Variants in DHRSX observed in about 807,000 individuals in gnomAD.
DHRSX encodes dehydrogenase/reductase X-linked, also known as polyprenol dehydrogenase.
A neutral mutation model predicts 34.0 loss-of-function variants in DHRSX; 31 were observed. That is an observed-to-expected ratio of 0.91 (90% CI 0.69 to 1.23). The LOEUF (loss-of-function observed/expected upper bound fraction) is 1.23. Ranked by LOEUF, DHRSX falls within the 50% of genes most tolerant of loss-of-function variation. DHRSX has a pLI of 0.00. For missense variants in DHRSX, 414 were observed against 428.1 expected (o/e 0.97, Z 0.29); for synonymous variants, 201 against 183.8 (o/e 1.09, Z -0.76).
intron 1 of DHRSX, among the ~76,000 whole-genome samples, chrX:2,427,756 C>T (rs1368522806): frequency 6.6e-6 from 1 of 151,978 alleles, no homozygotes; most frequent in Non-Finnish European, 1.5e-5. Context: ...CAGGAAAGTC[C>T]CTTTCTGTGA....
chrX:2,225,422 A>G (rs2015634931), intron 6 of DHRSX, among the ~76,000 whole-genome samples: 1 of 152,050 alleles, frequency 6.6e-6, no homozygotes, highest in African/African-American at 2.4e-5. Context: ...TCACATACTC[A>G]TTCACATGCA....
At chrX:2,440,358 G>A (rs1312986938) in intron 1 of DHRSX, among the ~76,000 whole-genome samples, 1 of 151,590 alleles carries the variant, frequency 6.6e-6, no homozygotes, top group Non-Finnish European at 1.5e-5. Flanking sequence ...GCACCAGCAT[G>A]GCCAGATAAT....
At chrX:2,450,833 A>C (rs2044206660) in intron 1 of DHRSX, among the ~76,000 whole-genome samples, 1 of 152,000 alleles carries the variant, frequency 6.6e-6, no homozygotes, top group Non-Finnish European at 1.5e-5. Flanking sequence ...CTGCATTGAA[A>C]TCCTCACCCC....
intron 3 of DHRSX, among the ~76,000 whole-genome samples, chrX:2,372,124 T>C (rs1488517838): frequency 6.6e-6 from 1 of 152,178 alleles, no homozygotes; most frequent in Non-Finnish European, 1.5e-5. Flanking sequence ...TCTTCTTTCT[T>C]TGCTACAAAC....
chrX:2,252,063 C>A (rs1248886952), intron 5 of DHRSX, among the ~76,000 whole-genome samples: 1 of 151,960 alleles, frequency 6.6e-6, no homozygotes, highest in East Asian at 1.9e-4. Flanking sequence ...CATGGTGAAA[C>A]CCCGTCTCTA....
At chrX:2,324,947 T>G (rs1331106765) in intron 3 of DHRSX, among the ~76,000 whole-genome samples, 2 of 10,144 alleles carry the variant, frequency 2.0e-4, no homozygotes, top group Non-Finnish European at 5.7e-4. Context: ...TTTTGTTTTG[T>G]TTTTTTTTTT....
At chrX:2,366,315 G>A (rs1389368759) in intron 3 of DHRSX, among the ~76,000 whole-genome samples, 1 of 151,786 alleles carries the variant, frequency 6.6e-6, no homozygotes, top group African/African-American at 2.4e-5. Context: ...GTTGGGCATG[G>A]CTGTAATCCC....
intron 5 of DHRSX, chrX:2,261,678 A>G (rs34002294): frequency 0.26 from 39,849 of 151,508 alleles, 7,010 homozygotes; most frequent in African/African-American, 0.48. Context: ...AGTCGAGGCA[A>G]GAGAATTGCT....
intron 1 of DHRSX, among the ~76,000 whole-genome samples, chrX:2,469,972 T>G (rs1318599953): frequency 6.6e-6 from 1 of 152,008 alleles, no homozygotes; most frequent in Non-Finnish European, 1.5e-5. Context: ...GCAGCACTAC[T>G]CAGGTTCCAA....
intron 4 of DHRSX, among the ~76,000 whole-genome samples, chrX:2,282,624 G>GA (rs1412519439): frequency 2.8e-5 from 4 of 140,944 alleles, no homozygotes; most frequent in Non-Finnish European, 6.2e-5. Flanking sequence ...AGGGGAGGGA[G>GA]AGAAGAAGGG....
At chrX:2,346,257 AGTT>A (rs2042710028) in intron 3 of DHRSX, among the ~76,000 whole-genome samples, 1 of 142,804 alleles carries the variant, frequency 7.0e-6, no homozygotes. Context: ...GACATGCCCG[AGTT>A]GTTATGTACC....
intron 3 of DHRSX, among the ~76,000 whole-genome samples, chrX:2,315,076 T>C (rs953824087): frequency 3.3e-5 from 5 of 152,008 alleles, no homozygotes; most frequent in African/African-American, 1.2e-4. Flanking sequence ...GAGAATTGCC[T>C]GAACCCGGGA....
chrX:2,303,057 G>T (rs1232714792), intron 3 of DHRSX, among the ~76,000 whole-genome samples: 1 of 152,112 alleles, frequency 6.6e-6, no homozygotes, highest in Non-Finnish European at 1.5e-5. Context: ...CCATACTACT[G>T]CTAATAATTG....
chrX:2,249,922 G>C (rs1398919966), intron 5 of DHRSX, among the ~76,000 whole-genome samples: 1 of 151,828 alleles, frequency 6.6e-6, no homozygotes, highest in Non-Finnish European at 1.5e-5. Flanking sequence ...CCAGGACTTT[G>C]GGAGGCCAAG....
intron 1 of DHRSX, among the ~76,000 whole-genome samples, chrX:2,438,306 T>TACACACAC (rs113154779): frequency 0.32 from 47,466 of 149,416 alleles, 9,193 homozygotes; most frequent in East Asian, 0.79. Context: ...ACAGAATGCA[T>TACACACAC]ACACACACAC....
intron 2 of DHRSX, among the ~76,000 whole-genome samples, chrX:2,413,350 C>CT (rs74314537): frequency 0.82 from 124,450 of 152,052 alleles, 51,780 homozygotes; most frequent in East Asian, 0.99. Flanking sequence ...AAATTAGTGA[C>CT]TATAATCTTG....
intron 3 of DHRSX, among the ~76,000 whole-genome samples, chrX:2,398,441 G>C (rs2043441025): frequency 6.6e-6 from 1 of 152,110 alleles, no homozygotes; most frequent in Non-Finnish European, 1.5e-5. Context: ...GGCTCAGGTA[G>C]GAGGATCGCC....
intron 4 of DHRSX, among the ~76,000 whole-genome samples, chrX:2,282,945 GGAGA>G (rs1210165803): frequency 3.3e-5 from 5 of 151,362 alleles, no homozygotes; most frequent in East Asian, 2.0e-4. Flanking sequence ...GGTAGACTGA[GGAGA>G]GAGAGAGACA....
intron 3 of DHRSX, among the ~76,000 whole-genome samples, chrX:2,330,866 T>C (rs1434557300): frequency 6.6e-6 from 1 of 151,894 alleles, no homozygotes; most frequent in African/African-American, 2.4e-5. Flanking sequence ...GAGGCCTCAG[T>C]AGAAGAAAAG....
Sources: gnomAD v4.1 joint callset for allele counts (sites outside exome capture counted in the v4.1 genomes callset) on GRCh38, gnomAD v4.1.1 for gene constraint, MANE v1.5 for transcripts, NCBI Gene and HGNC (gene_info 2026-07-23, HGNC 2026-07-21) for gene names.